Variants in PRDM6 observed in about 807,000 individuals in gnomAD.
The protein encoded by PRDM6 is putative histone-lysine N-methyltransferase PRDM6.
A neutral mutation model predicts 60.8 loss-of-function variants in PRDM6; 25 were observed. That is an observed-to-expected ratio of 0.41 (90% confidence interval 0.30 to 0.57). The LOEUF (loss-of-function observed/expected upper bound fraction) is 0.57, where lower values mean the gene tolerates loss of function less well. Among genes scored for constraint, PRDM6 ranks in the 20% least tolerant of loss-of-function variants. PRDM6 has a pLI of 0.27. For synonymous variants in PRDM6, 407 were observed against 357.4 expected, an observed-to-expected ratio of 1.14 and a Z score of -1.57; for missense variants, 839 against 821.3, an observed-to-expected ratio of 1.02 and a Z score of -0.26.
chr5:123,176,697 A>G (rs562984643), intron 6 of PRDM6, among the ~76,000 whole-genome samples: 1 of 152,334 alleles, frequency 6.6e-6, no homozygotes, highest in South Asian at 2.1e-4. Flanking sequence ...TGGGCAACAG[A>G]GCGAGACCCT....
At position 123,099,911 on chromosome 5, in the gene PRDM6, C is replaced by G; in HGVS notation, c.850C>G (p.Pro284Ala). 1 of 1,546,434 alleles carries G rather than the reference C, an allele frequency of 6.5e-7. No individual in the cohort carries two copies. Among genetic ancestry groups the G allele is most frequent in the South Asian group, 1.2e-5 (1 of 83,130 alleles). Residue 284 changes from proline (P) to alanine (A), a missense_variant, in exon 3 of 8, where the codon CCA (proline) becomes GCA (alanine). Pro to Ala is a conservative substitution (Grantham distance 27). Around this residue, in one of 2 missense-constraint regions of PRDM6, gnomAD observed 730 missense variants for 648.8 expected, o/e 1.13. Transcript: ENST00000407847. This position sits in a 1 kb window ranked among gnomAD's most constrained non-coding sequence, Gnocchi z 4.0. Reference protein sequence around the residue: ...IGPFQGVLLPPEKVQAGAVRN... With the variant: ...IGPFQGVLLPAEKVQAGAVRN... ...ACCTTTCCAAGGCGTGCTTCTGCCC[C>G]CAGAGAAGGTGCAGGCAGGCGCCGT...
intron 2 of PRDM6, among the ~76,000 whole-genome samples, chr5:123,097,815 G>A (rs1002206668): frequency 6.6e-6 from 1 of 152,184 alleles, no homozygotes; most frequent in African/African-American, 2.4e-5. Context: ...GTGCAAGGGA[G>A]GCCCAGCGGC....
intron 5 of PRDM6, among the ~76,000 whole-genome samples, chr5:123,167,924 G>A (rs899788422): frequency 2.6e-5 from 4 of 152,154 alleles, no homozygotes; most frequent in East Asian, 1.9e-4. Flanking sequence ...GCTTAATGTT[G>A]CCTAAAACCT....
chr5:123,146,859 C>G (rs957595067), intron 3 of PRDM6, among the ~76,000 whole-genome samples: 2 of 152,104 alleles, frequency 1.3e-5, no homozygotes, highest in Non-Finnish European at 2.9e-5. Flanking sequence ...TGGATACAAA[C>G]GTGGTAATAA....
At position 123,089,443 on chromosome 5, in the gene PRDM6, G is replaced by C. The variant is rs151060786; in HGVS notation, c.-92G>C. Reference sequence around the variant, plus strand: ...CGCTGCTCAGGGGCATGTAGCGCACGCAGGGCGCACACTCTCGCGCACCCG... The same window carrying C: ...CGCTGCTCAGGGGCATGTAGCGCACCCAGGGCGCACACTCTCGCGCACCCG... On this transcript the variant is annotated 5_prime_UTR_variant, in exon 1 of 8. Coordinates refer to ENST00000407847, the MANE Select transcript of PRDM6 (RefSeq NM_001136239.4). The C allele has an allele frequency of 0.012, 1,698 of 142,764 alleles. 33 individuals are homozygous for C. Among genetic ancestry groups the C allele is most frequent in the African/African-American group, 0.041 (1,613 of 39,066 alleles). The allele number at this position is 142,764 out of a possible 1,614,324, so 8.8% of individuals were successfully genotyped here.
At chr5:123,137,416 C>T (rs1471528710) in intron 3 of PRDM6, among the ~76,000 whole-genome samples, 1 of 152,214 alleles carries the variant, frequency 6.6e-6, no homozygotes. Context: ...CCCTCTAGCA[C>T]ACATTGCTAG....
At chr5:123,156,162 T>TC (rs981127226) in intron 4 of PRDM6, among the ~76,000 whole-genome samples, 151 bp downstream of exon 4, 61 of 151,942 alleles carry the variant, frequency 4.0e-4, no homozygotes, top group African/African-American at 1.4e-3. Flanking sequence ...TTCTGAAACC[T>TC]CCTTAGTTCC....
chr5:123,093,961 A>G (rs1763900957), intron 2 of PRDM6, among the ~76,000 whole-genome samples: 1 of 151,390 alleles, frequency 6.6e-6, no homozygotes, highest in South Asian at 2.1e-4. Flanking sequence ...CAAATTCCCC[A>G]GTTGGGGGAG....
At chr5:123,184,913 A>G (rs1766249300) in intron 7 of PRDM6, among the ~76,000 whole-genome samples, 1 of 152,098 alleles carries the variant, frequency 6.6e-6, no homozygotes, top group African/African-American at 2.4e-5. Context: ...AATTAAGGTA[A>G]TTTCTACACG....
chr5:123,102,686 T>C (rs1163240225), intron 3 of PRDM6, among the ~76,000 whole-genome samples: 1 of 152,176 alleles, frequency 6.6e-6, no homozygotes, highest in East Asian at 1.9e-4. Flanking sequence ...TGTAATCATT[T>C]CTCTTCCTCA....
At chr5:123,168,575 T>G (rs1206342986) in intron 5 of PRDM6, among the ~76,000 whole-genome samples, 1 of 152,228 alleles carries the variant, frequency 6.6e-6, no homozygotes, top group Non-Finnish European at 1.5e-5. Context: ...TTAGAAGCAG[T>G]TGGGAAACTT....
chr5:123,178,489 T>G (rs1377472988), intron 6 of PRDM6, among the ~76,000 whole-genome samples: 5 of 152,218 alleles, frequency 3.3e-5, no homozygotes, highest in African/African-American at 1.2e-4. Flanking sequence ...ACATATAATT[T>G]TAATGGTTTT....
chr5:123,113,908 G>A (rs993756581), intron 3 of PRDM6, among the ~76,000 whole-genome samples: 1 of 152,168 alleles, frequency 6.6e-6, no homozygotes, highest in Non-Finnish European at 1.5e-5. Context: ...TTTAAACTCA[G>A]CATTCAGAGA....
At chr5:123,130,915 T>C (rs537626952) in intron 3 of PRDM6, among the ~76,000 whole-genome samples, 2 of 152,358 alleles carry the variant, frequency 1.3e-5, no homozygotes, top group Non-Finnish European at 2.9e-5. Flanking sequence ...TTAAAGTGTT[T>C]ATGGCATTAA....
chr5:123,097,378 C>G (rs570048315), intron 2 of PRDM6, among the ~76,000 whole-genome samples: 2 of 152,136 alleles, frequency 1.3e-5, no homozygotes, highest in Admixed American at 6.6e-5. Flanking sequence ...TTTCATTAGT[C>G]TTTTAAAAAT....
intron 3 of PRDM6, among the ~76,000 whole-genome samples, chr5:123,127,854 G>T (rs1764729052): frequency 6.6e-6 from 1 of 151,680 alleles, no homozygotes. Flanking sequence ...GTGCCATGTT[G>T]GTTTGCTGGA....
At chr5:123,096,794 C>T (rs542156838) in intron 2 of PRDM6, among the ~76,000 whole-genome samples, 7 of 152,294 alleles carry the variant, frequency 4.6e-5, no homozygotes, top group East Asian at 1.9e-4. Context: ...AAGTTGAAGA[C>T]GGCTTTAGAG....
intron 4 of PRDM6, among the ~76,000 whole-genome samples, chr5:123,157,541 C>T (rs1480424921): frequency 8.5e-5 from 13 of 152,128 alleles, no homozygotes; most frequent in Admixed American, 7.2e-4. Context: ...CCTTTCATGA[C>T]GGCGCTTACA....
intron 2 of PRDM6, among the ~76,000 whole-genome samples, chr5:123,096,430 A>G (rs1260415272): frequency 1.3e-5 from 2 of 152,170 alleles, no homozygotes; most frequent in Non-Finnish European, 2.9e-5. Flanking sequence ...AAGAAATGTT[A>G]CTTGTTTTTA....
Sources: allele counts gnomAD v4.1 joint callset (sites outside exome capture counted in the v4.1 genomes callset), GRCh38; gene constraint gnomAD v4.1.1; regional missense constraint gnomAD v4.1.1; non-coding constraint Gnocchi (gnomAD v3.1); transcripts MANE v1.5; gene names NCBI Gene and HGNC (gene_info 2026-07-23, HGNC 2026-07-21).